The following CHFR variants were observed in gnomAD, a reference collection of about 807,000 sequenced individuals.
CHFR encodes E3 ubiquitin-protein ligase CHFR.
In CHFR, 57 loss-of-function variants were observed where a neutral mutation model predicts 87.6. That is an observed-to-expected ratio of 0.65 (90% CI 0.53 to 0.81). CHFR has a LOEUF of 0.81. Among genes scored for constraint, CHFR ranks in the 30% least tolerant of loss-of-function variants. The probability of loss-of-function intolerance (pLI) is 0.00; values close to 1 mark genes in which losing one functional copy is unlikely to be tolerated. For missense variants in CHFR, 797 were observed against 865.8 expected (o/e 0.92, Z 1.00); for synonymous variants, 381 against 359.2 (o/e 1.06, Z -0.69).
At position 132,848,073 on chromosome 12, in the gene CHFR, G is replaced by GC. The variant is rs1408501493; in HGVS notation, c.1647+11dup. The GC allele has an allele frequency of 6.2e-7, 1 of 1,614,056 alleles. No individual in the cohort carries two copies. Among genetic ancestry groups the GC allele is most frequent in the South Asian group, 1.1e-5 (1 of 91,068 alleles). On this transcript the variant is annotated intron_variant, in intron 14 of 17. Coordinates refer to ENST00000450056, the MANE Select transcript of CHFR (RefSeq NM_001161346.2). Reference sequence around the variant, plus strand: ...GTGGCTCCCGGCTCCCCAGCCCGCAGCGAGTCGGTACCTTCAGGATGTCTG... The same window carrying GC: ...GTGGCTCCCGGCTCCCCAGCCCGCAGCCGAGTCGGTACCTTCAGGATGTCTG...
chr12:132,885,930 A>G (rs1432477158), intron 2 of CHFR, among the ~76,000 whole-genome samples: 2 of 152,222 alleles, frequency 1.3e-5, no homozygotes, highest in Admixed American at 6.5e-5. Flanking sequence ...GATAATTTTG[A>G]TATGTTATGA....
intron 6 of CHFR, 31 bp from the exon 7 acceptor site, chr12:132,861,665 G>A: frequency 6.2e-7 from 1 of 1,605,854 alleles, no homozygotes; most frequent in Middle Eastern, 1.7e-4. Flanking sequence ...GATAGGTGCT[G>A]ATCCATCCAG....
intron 5 of CHFR, among the ~76,000 whole-genome samples, chr12:132,870,469 TG>T: frequency 6.7e-6 from 1 of 148,482 alleles, no homozygotes. Context: ...AGGAGGAGGC[TG>T]CAGTGAGCCG....
chr12:132,873,731 C>T (rs543506724), intron 3 of CHFR, among the ~76,000 whole-genome samples: 16 of 152,138 alleles, frequency 1.1e-4, no homozygotes, highest in Admixed American at 9.2e-4. Context: ...GGGCTGGCTA[C>T]GGGGCTAGAG....
In CHFR at chr12:132,838,547, T is replaced by A. The variant is rs1200550878; in HGVS notation, c.*3007A>T. The A allele has an allele frequency of 2.0e-5, 3 of 152,450 alleles. No individual in the cohort carries two copies. The highest frequency in any genetic ancestry group is 4.8e-5 in the African/African-American group (2 of 41,376). The allele number at this position is 152,450 out of a possible 1,614,324, so 9.4% of individuals were successfully genotyped here. A position where few individuals can be genotyped will look rare whatever the true frequency, so the allele number is the denominator to read the frequency against. ...GAGGGAGCCGCAGATGAGGAGTGCG[T>A]GGGGAGACGGTCTGTGGGGCCAGCG... On this transcript the variant is annotated 3_prime_UTR_variant, in exon 18 of 18. Coordinates refer to ENST00000450056, the MANE Select transcript of CHFR (RefSeq NM_001161346.2).
rs547935291 is a variant in CHFR, at chr12:132,864,327, C to T, written c.584-2693G>A. On this transcript the variant is annotated intron_variant, in intron 6 of 17. Transcript: ENST00000450056. Reference sequence around the variant, plus strand: ...CCACTCACGCCATCATCTCCAGCGCCCCGTGCTCAGCCAACGTGGAGAGGA... The same window carrying T: ...CCACTCACGCCATCATCTCCAGCGCTCCGTGCTCAGCCAACGTGGAGAGGA... Among the ~76,000 whole-genome samples the T allele has an allele frequency of 3.3e-5, 5 of 152,318 alleles. No homozygotes were observed. In the East Asian group the frequency reaches 5.8e-4, roughly 18 times the overall value.
rs1324340182 is a variant in CHFR at position 132,836,422 on chromosome 12, A to C, written c.*5132T>G. 4 of 313,516 alleles carry C rather than the reference A, an allele frequency of 1.3e-5. No homozygotes were observed. The highest frequency in any genetic ancestry group is 9.5e-5 in the Admixed American group (2 of 21,006). The allele number at this position is 313,516 out of a possible 1,614,324, so 19.4% of individuals were successfully genotyped here. A position where few individuals can be genotyped will look rare whatever the true frequency, so the allele number is the denominator to read the frequency against. On this transcript the variant is annotated 3_prime_UTR_variant, in exon 18 of 18. Transcript: ENST00000450056. ...AGCACGGCGCTCGGCCCTCACAGTG[A>C]CAGGCTCCCAGCACGGCGCACGGCA...
intron 16 of CHFR, 47 bp from the exon 17 acceptor site, chr12:132,843,130 C>A (rs890864753): frequency 3.9e-6 from 6 of 1,539,604 alleles, no homozygotes; most frequent in African/African-American, 2.7e-5. Context: ...ATTGCACGCA[C>A]CCACTCAGCT....
At position 132,856,616 on chromosome 12, in the gene CHFR, C is replaced by G. The variant is rs1951075098; in HGVS notation, c.1081G>C (p.Glu361Gln). ...LIQHPDKSRS[E>Q]EDVQSMDARN... ...GCATCCATACTTTGCACATCTTCTT[C>G]ACTGCGACTCTTGTCTAGAATTGAA... Residue 361 changes from glutamate (E) to glutamine (Q), a missense_variant, in exon 10 of 18, where the codon GAA becomes CAA. This residue lies in a region of CHFR where 597 missense variants were observed against 601.2 expected (regional missense o/e 0.99). Coordinates refer to ENST00000450056, the MANE Select transcript of CHFR (RefSeq NM_001161346.2). 1 of 1,613,952 alleles carries G rather than the reference C, an allele frequency of 6.2e-7. No individual in the cohort carries two copies. The highest frequency in any genetic ancestry group is 8.5e-7 in the Non-Finnish European group (1 of 1,179,996).
intron 15 of CHFR, among the ~76,000 whole-genome samples, chr12:132,844,750 C>G (rs1481606146): frequency 1.3e-5 from 2 of 152,168 alleles, no homozygotes; most frequent in Non-Finnish European, 2.9e-5. Context: ...CCTGTCTCAG[C>G]CTCCCGAGTA....
chr12:132,880,568 G>A (rs959445603), intron 2 of CHFR, among the ~76,000 whole-genome samples: 1 of 151,976 alleles, frequency 6.6e-6, no homozygotes, highest in Non-Finnish European at 1.5e-5. Context: ...TGAGGCAGAA[G>A]AATGGCGTGA....
chr12:132,847,151 G>A, intron 14 of CHFR, 21 bp from the exon 15 acceptor site: 1 of 1,612,376 alleles, frequency 6.2e-7, no homozygotes, highest in Non-Finnish European at 8.5e-7. Flanking sequence ...AAAAAAGAGA[G>A]GAATAAGAAA....
intron 6 of CHFR, 117 bp from the exon 7 acceptor site, chr12:132,861,751 T>C (rs1951215012): frequency 3.3e-6 from 3 of 906,350 alleles, no homozygotes; most frequent in African/African-American, 1.7e-5. Context: ...TGTCGTAGTT[T>C]AGGAATGACA....
chr12:132,877,780 C>T (rs1951663315), intron 2 of CHFR, 126 bp from the exon 3 acceptor site: 1 of 506,422 alleles, frequency 2.0e-6, no homozygotes, highest in Non-Finnish European at 3.4e-6. Context: ...AAAAAAAACA[C>T]TTGACCAAGA....
intron 6 of CHFR, chr12:132,867,410 T>TGCTGCTGATCCGCAGCAAGACATG (rs1478063865): frequency 1.3e-5 from 2 of 152,224 alleles, no homozygotes; most frequent in Non-Finnish European, 2.9e-5. Flanking sequence ...ACATGGCTCT[T>TGCTGCTGATCCGCAGCAAGACATG]GCTGCTGCGG....
intron 2 of CHFR, among the ~76,000 whole-genome samples, chr12:132,878,704 C>T (rs1304963762): frequency 6.6e-6 from 1 of 150,622 alleles, no homozygotes; most frequent in African/African-American, 2.4e-5. Context: ...CTTGTAATCC[C>T]AGCTACTCAG....
Position 132,837,260 on chromosome 12 carries a change from A to G in CHFR, c.*4294T>C, listed in dbSNP as rs1039002820. 2.1e-5 allele frequency: 4 copies of G among 187,838 alleles called. No individual in the cohort carries two copies. The highest frequency in any genetic ancestry group is 4.5e-5 in the Non-Finnish European group (4 of 89,248). 11.6% of individuals were successfully genotyped at this position (187,838 alleles called of 1,614,324 possible). ...TAAACCACCCCAAATGCAGTGGCTT[A>G]AACAACTACTTATTTCTCATGATTA... On this transcript the variant is annotated 3_prime_UTR_variant, in exon 18 of 18. Coordinates refer to ENST00000450056, the MANE Select transcript of CHFR (RefSeq NM_001161346.2).
In CHFR at chr12:132,836,768, G is replaced by A. The variant is rs548318971; in HGVS notation, c.*4786C>T. ...AGAGGAAGGGGCGCCTGTTTGTGCC[G>A]CGGGAAAGATTTCAAGCCCAGGGGA... On this transcript the variant is annotated 3_prime_UTR_variant, in exon 18 of 18. Coordinates refer to ENST00000450056, the MANE Select transcript of CHFR (RefSeq NM_001161346.2). 40 of 456,068 alleles carry A rather than the reference G, an allele frequency of 8.8e-5. 1 individual carries two copies. Among genetic ancestry groups the A allele is most frequent in the South Asian group, 4.8e-4 (31 of 64,564 alleles). 28.3% of individuals were successfully genotyped at this position (456,068 alleles called of 1,614,324 possible). A position where few individuals can be genotyped will look rare whatever the true frequency, so the allele number is the denominator to read the frequency against.
chr12:132,875,745 T>TA (rs1478031996), intron 3 of CHFR, among the ~76,000 whole-genome samples: 1 of 152,250 alleles, frequency 6.6e-6, no homozygotes, highest in Non-Finnish European at 1.5e-5. Context: ...ACTGCAGTGT[T>TA]ATTTATAGTA....
Sources: gnomAD v4.1 joint callset for allele counts (sites outside exome capture counted in the v4.1 genomes callset) on GRCh38, gnomAD v4.1.1 for gene constraint, gnomAD v4.1.1 regional missense constraint, MANE v1.5 for transcripts, NCBI Gene and HGNC (gene_info 2026-07-23, HGNC 2026-07-21) for gene names.